The following FMNL2 variants were observed in gnomAD, a reference collection of about 807,000 sequenced individuals.
The protein encoded by FMNL2 is formin like 2, also known as formin-like protein 2.
Under a neutral mutation model 130.2 loss-of-function variants are expected in FMNL2, and 51 were observed. The ratio of observed to expected loss-of-function variants is 0.39; its 90% CI spans 0.31 to 0.49. FMNL2 has a LOEUF of 0.49. Ranked by LOEUF, FMNL2 falls within the 20% of genes least tolerant of loss-of-function variation. The pLI is 0.85. For missense variants in FMNL2, 977 were observed against 1,316.2 expected, an observed-to-expected ratio of 0.74 and a Z score of 3.99; for synonymous variants, 465 against 467.1, an observed-to-expected ratio of 1.00 and a Z score of 0.06.
At chr2:152,586,878 G>A (rs1198894333) in intron 9 of FMNL2, among the ~76,000 whole-genome samples, 1 of 152,090 alleles carries the variant, frequency 6.6e-6, no homozygotes, top group Non-Finnish European at 1.5e-5. Context: ...TTAGGCTCCT[G>A]GCTTCTGTGG....
intron 1 of FMNL2, among the ~76,000 whole-genome samples, chr2:152,389,696 A>T (rs1397973753): frequency 6.6e-6 from 1 of 152,236 alleles, no homozygotes. Flanking sequence ...GAGCAGGAGG[A>T]GGAGCGGTTC....
intron 10 of FMNL2, among the ~76,000 whole-genome samples, chr2:152,610,915 GT>G (rs896267552): frequency 2.0e-5 from 3 of 151,988 alleles, no homozygotes; most frequent in African/African-American, 7.3e-5. Context: ...ATGGATGAGG[GT>G]TTTAATTTCT....
chr2:152,608,360 G>GAA (rs869134530), intron 10 of FMNL2, among the ~76,000 whole-genome samples: 174 of 16,516 alleles, frequency 0.011, 18 homozygotes, highest in African/African-American at 0.02. Flanking sequence ...CCCTTTTTGT[G>GAA]AAAAAAAAAA....
chr2:152,559,959 T>G (rs763738127), intron 5 of FMNL2, among the ~76,000 whole-genome samples: 16 of 152,228 alleles, frequency 1.1e-4, no homozygotes, highest in Non-Finnish European at 2.1e-4. Flanking sequence ...TCACCAATTT[T>G]CAGATGAAGG....
intron 9 of FMNL2, among the ~76,000 whole-genome samples, chr2:152,589,622 G>A (rs1697273336): frequency 6.6e-6 from 1 of 152,100 alleles, no homozygotes; most frequent in Non-Finnish European, 1.5e-5. Flanking sequence ...GGTACAGAAG[G>A]ACACTATGAA....
At chr2:152,370,935 C>T (rs927013000) in intron 1 of FMNL2, among the ~76,000 whole-genome samples, 2 of 152,230 alleles carry the variant, frequency 1.3e-5, no homozygotes, top group African/African-American at 2.4e-5. Flanking sequence ...GACCGGGCCA[C>T]GGGGATTTAC....
chr2:152,367,339 G>A (rs147926555), intron 1 of FMNL2, among the ~76,000 whole-genome samples: 89 of 152,220 alleles, frequency 5.8e-4, no homozygotes, highest in Middle Eastern at 3.4e-3. Flanking sequence ...GCCTTCCAAA[G>A]TGCACATTTA....
intron 1 of FMNL2, among the ~76,000 whole-genome samples, chr2:152,338,537 A>T (rs1681607820): frequency 6.6e-6 from 1 of 152,162 alleles, no homozygotes; most frequent in African/African-American, 2.4e-5. Context: ...ATAAAAAATT[A>T]GTGGGTATGA....
intron 1 of FMNL2, among the ~76,000 whole-genome samples, chr2:152,377,973 A>C (rs1042138903): frequency 6.6e-6 from 1 of 152,082 alleles, no homozygotes; most frequent in Non-Finnish European, 1.5e-5. Flanking sequence ...TTAGCCAGGC[A>C]TGGTGGCACA....
chr2:152,395,997 GAA>G (rs1302211149), intron 1 of FMNL2, among the ~76,000 whole-genome samples: 4 of 152,226 alleles, frequency 2.6e-5, no homozygotes, highest in African/African-American at 9.6e-5. Flanking sequence ...GACAGAGTCA[GAA>G]AGTCCTTGCT....
chr2:152,391,997 G>C (rs1280342012), intron 1 of FMNL2, among the ~76,000 whole-genome samples: 1 of 136,580 alleles, frequency 7.3e-6, no homozygotes, highest in African/African-American at 2.7e-5. Flanking sequence ...CCAACTCCTT[G>C]ATTCATTTGC....
At chr2:152,633,143 T>C (rs999410556) in intron 21 of FMNL2, among the ~76,000 whole-genome samples, 5 of 151,824 alleles carry the variant, frequency 3.3e-5, no homozygotes, top group African/African-American at 1.2e-4. Context: ...TGGCCCATGC[T>C]ACAGTGCAGT....
chr2:152,443,735 T>C (rs969231211), intron 1 of FMNL2, among the ~76,000 whole-genome samples: 1 of 151,748 alleles, frequency 6.6e-6, no homozygotes, highest in Admixed American at 6.6e-5. Flanking sequence ...CCCAGGTACT[T>C]GGGAAGCTGA....
chr2:152,404,837 C>T (rs918322529), intron 1 of FMNL2, among the ~76,000 whole-genome samples: 43 of 152,200 alleles, frequency 2.8e-4, no homozygotes, highest in Admixed American at 5.2e-4. Context: ...GGCATTTTCT[C>T]CCATGTTGAA....
intron 1 of FMNL2, among the ~76,000 whole-genome samples, chr2:152,472,601 T>G (rs1689919530): frequency 6.6e-6 from 1 of 152,162 alleles, no homozygotes; most frequent in Non-Finnish European, 1.5e-5. Flanking sequence ...ACAAGGCGTA[T>G]GCATTATCTT....
rs767877264 is a variant in FMNL2, at chr2:152,637,688, C to T, written c.2946+14C>T. 6.2e-7 allele frequency: 1 copy of T among 1,605,394 alleles called. No homozygotes were observed. The highest frequency in any genetic ancestry group is 2.2e-5 in the East Asian group (1 of 44,838). On this transcript the variant is annotated intron_variant, in intron 23 of 25. Transcript: ENST00000288670. ...AAAGCATATAAGGTATATGTTAAGG[C>T]CCTCCTTGCCCTTATTTCTCAAGCA...
intron 6 of FMNL2, among the ~76,000 whole-genome samples, chr2:152,571,182 T>A (rs1696150904): frequency 6.8e-6 from 1 of 146,754 alleles, no homozygotes; most frequent in Non-Finnish European, 1.5e-5. Flanking sequence ...CTTTTCCTCC[T>A]TCTCCTCTCC....
intron 1 of FMNL2, among the ~76,000 whole-genome samples, chr2:152,507,100 C>T (rs1490237945): frequency 2.6e-5 from 4 of 152,154 alleles, no homozygotes; most frequent in Non-Finnish European, 2.9e-5. Flanking sequence ...GTGGCTTGTG[C>T]GGTCTCTGAT....
intron 1 of FMNL2, among the ~76,000 whole-genome samples, chr2:152,504,734 C>T (rs1050686811): frequency 3.3e-5 from 5 of 152,114 alleles, no homozygotes; most frequent in African/African-American, 7.2e-5. Flanking sequence ...TATGTACATA[C>T]GGATCTCATC....
Sources: gnomAD v4.1 joint callset for allele counts (sites outside exome capture counted in the v4.1 genomes callset) on GRCh38, gnomAD v4.1.1 for gene constraint, MANE v1.5 for transcripts, NCBI Gene and HGNC (gene_info 2026-07-23, HGNC 2026-07-21) for gene names.